Variants in XYLT1 observed in about 807,000 individuals in gnomAD.
The protein encoded by XYLT1 is xylosyltransferase 1, also known as beta-D-xylosyltransferase 1.
Under a neutral mutation model 91.3 loss-of-function variants are expected in XYLT1, and 36 were observed. The ratio of observed to expected loss-of-function variants is 0.39; its 90% CI spans 0.30 to 0.52. The LOEUF (loss-of-function observed/expected upper bound fraction) is 0.52, where lower values mean the gene tolerates loss of function less well. Among genes scored for constraint, XYLT1 ranks in the 20% least tolerant of loss-of-function variants. The pLI is 0.68. For synonymous variants in XYLT1, 588 were observed against 532.0 expected, an observed-to-expected ratio of 1.11 and a Z score of -1.45; for missense variants, 1,242 against 1,284.5, an observed-to-expected ratio of 0.97 and a Z score of 0.51.
chr16:17,170,189 A>G (rs1314222936), intron 5 of XYLT1, among the ~76,000 whole-genome samples: 1 of 152,170 alleles, frequency 6.6e-6, no homozygotes, highest in Non-Finnish European at 1.5e-5. Flanking sequence ...AAGTTTCTAT[A>G]TTCTTCGCTA....
At chr16:17,288,570 G>A (rs752746463) in intron 2 of XYLT1, among the ~76,000 whole-genome samples, 1 of 152,196 alleles carries the variant, frequency 6.6e-6, no homozygotes, top group Non-Finnish European at 1.5e-5. Flanking sequence ...AAGAGGTTGA[G>A]ATGACTTGTC....
At chr16:17,342,525 C>G (rs1013745289) in intron 2 of XYLT1, among the ~76,000 whole-genome samples, 1 of 152,118 alleles carries the variant, frequency 6.6e-6, no homozygotes, top group African/African-American at 2.4e-5. Context: ...AGTTCGAGAC[C>G]AGCCGGGCCA....
At chr16:17,286,440 G>T (rs540809509) in intron 2 of XYLT1, among the ~76,000 whole-genome samples, 1 of 152,300 alleles carries the variant, frequency 6.6e-6, no homozygotes, top group Non-Finnish European at 1.5e-5. Context: ...CACTCTCCTT[G>T]TCATCCCAAA....
At chr16:17,337,062 A>G (rs538590519) in intron 2 of XYLT1, among the ~76,000 whole-genome samples, 10 of 152,348 alleles carry the variant, frequency 6.6e-5, no homozygotes, top group African/African-American at 2.4e-4. Flanking sequence ...CCAGAAAGGC[A>G]TATAAATCCC....
At chr16:17,464,682 C>T (rs1352348261) in intron 1 of XYLT1, among the ~76,000 whole-genome samples, 1 of 152,118 alleles carries the variant, frequency 6.6e-6, no homozygotes, top group Non-Finnish European at 1.5e-5. Context: ...TTAAAACCAC[C>T]TAACACATCA....
chr16:17,312,996 G>A lies in XYLT1; in HGVS notation c.402+45016C>T, dbSNP rs1193925784. 6.6e-6 allele frequency among the ~76,000 whole-genome samples: 1 copy of A among 152,228 alleles called. No individual in the cohort carries two copies. Among genetic ancestry groups the A allele is most frequent in the Non-Finnish European group, 1.5e-5 (1 of 68,034 alleles). On this transcript the variant is annotated intron_variant, in intron 2 of 11. Coordinates refer to ENST00000261381, the MANE Select transcript of XYLT1 (RefSeq NM_022166.4). This position sits in a 1 kb window ranked among gnomAD's most constrained non-coding sequence, Gnocchi z 4.4. ...AGCTCCCCCTGGCCGGGGCTGAGCA[G>A]GGAAGCTGGGAGAGAGGGCATGTCC...
chr16:17,108,511 A>T lies in XYLT1; in HGVS notation c.*184T>A. 3 of 588,424 alleles carry T rather than the reference A, an allele frequency of 5.1e-6. No individual in the cohort carries two copies. The highest frequency in any genetic ancestry group is 5.7e-6 in the Non-Finnish European group (2 of 351,780). 36.5% of individuals were successfully genotyped at this position (588,424 alleles called of 1,614,324 possible). On this transcript the variant is annotated 3_prime_UTR_variant, in exon 12 of 12. Coordinates refer to ENST00000261381, the MANE Select transcript of XYLT1 (RefSeq NM_022166.4). ...TGAGCCATCCCACCCGCAGCTTGCCAAAGGCAGGTTGTTGGCTGATCCTGC... is the reference window on the plus strand; with the variant it reads ...TGAGCCATCCCACCCGCAGCTTGCCTAAGGCAGGTTGTTGGCTGATCCTGC...
chr16:17,400,262 AAC>A (rs2035946640), intron 1 of XYLT1, among the ~76,000 whole-genome samples: 1 of 152,184 alleles, frequency 6.6e-6, no homozygotes, highest in South Asian at 2.1e-4. Flanking sequence ...CTCAGTGACT[AAC>A]ACAAATTATA....
rs1427277588 is a variant in XYLT1 at position 17,319,121 on chromosome 16, A to T, written c.402+38891T>A. Reference sequence around the variant, plus strand: ...TTCTCTTGCTGGGTGAACTTGAATGAGCTACCTCCACTTTTTAAGCCTCAG... The same window carrying T: ...TTCTCTTGCTGGGTGAACTTGAATGTGCTACCTCCACTTTTTAAGCCTCAG... On this transcript the variant is annotated intron_variant, in intron 2 of 11. Transcript: ENST00000261381. Among the ~76,000 whole-genome samples the T allele has an allele frequency of 4.6e-5, 7 of 152,044 alleles. No homozygotes were observed. The East Asian group carries it at 1.2e-3, about 25-fold the overall frequency.
At chr16:17,220,719 C>T (rs1228636064) in intron 3 of XYLT1, among the ~76,000 whole-genome samples, 4 of 152,148 alleles carry the variant, frequency 2.6e-5, no homozygotes, top group Admixed American at 6.5e-5. Context: ...GTGAGTCACC[C>T]GCCTCGGCCT....
chr16:17,269,981 T>G (rs1460875356), intron 2 of XYLT1, among the ~76,000 whole-genome samples: 1 of 152,004 alleles, frequency 6.6e-6, no homozygotes, highest in African/African-American at 2.4e-5. Context: ...CCAGCTAATT[T>G]TTTTTGTATT....
intron 3 of XYLT1, among the ~76,000 whole-genome samples, chr16:17,249,001 A>T (rs1323555161): frequency 1.3e-5 from 2 of 151,980 alleles, no homozygotes; most frequent in African/African-American, 4.8e-5. Context: ...TATTACAGGC[A>T]TGAGCCACCG....
At chr16:17,298,342 A>T (rs921885954) in intron 2 of XYLT1, among the ~76,000 whole-genome samples, 1 of 152,160 alleles carries the variant, frequency 6.6e-6, no homozygotes, top group Admixed American at 6.5e-5. Flanking sequence ...ACCCCATGCC[A>T]CACGCAGAGC....
Position 17,117,777 on chromosome 16 carries a change from T to C in XYLT1, c.2426A>G (p.Lys809Arg), listed in dbSNP as rs756850199. The change falls in exon 11 of 12, where the codon AAG (lysine) becomes AGG (arginine). Residue 809 changes from lysine to arginine, a missense_variant. Transcript: ENST00000261381. ...CCTCAGGGGCAAGTTCAAAGGGGGCTTGTAGTGTGTGAATTCGGCAGTGGA... is the reference window on the plus strand; with the variant it reads ...CCTCAGGGGCAAGTTCAAAGGGGGCCTGTAGTGTGTGAATTCGGCAGTGGA... ...IESTAEFTHY[K>R]PPLNLPLRPG... The C allele has an allele frequency of 1.2e-6, 2 of 1,614,186 alleles. No homozygotes were observed. The highest frequency in any genetic ancestry group is 1.7e-6 in the Non-Finnish European group (2 of 1,180,030).
chr16:17,150,976 C>T (rs2031267571), intron 6 of XYLT1, among the ~76,000 whole-genome samples: 2 of 152,102 alleles, frequency 1.3e-5, no homozygotes, highest in Admixed American at 1.3e-4. Flanking sequence ...AAGGAAGCTA[C>T]AGGGAAGTCC....
intron 8 of XYLT1, 80 bp downstream of exon 8, chr16:17,138,275 C>T (rs938019278): frequency 1.3e-6 from 2 of 1,531,874 alleles, no homozygotes; most frequent in African/African-American, 1.4e-5. Context: ...AGATGACCTG[C>T]AGGTCTGGCC....
chr16:17,382,641 C>A (rs899952518), intron 1 of XYLT1, among the ~76,000 whole-genome samples: 2 of 151,800 alleles, frequency 1.3e-5, no homozygotes, highest in African/African-American at 4.8e-5. Flanking sequence ...CTTGGCCCTA[C>A]AGAGGAGCCA....
chr16:17,429,452 T>G (rs1433333430), intron 1 of XYLT1, among the ~76,000 whole-genome samples: 5 of 152,230 alleles, frequency 3.3e-5, no homozygotes, highest in African/African-American at 1.2e-4. Context: ...TTAAGTTCTT[T>G]TGTTCCAATC....
chr16:17,111,111 G>C (rs1966839921), intron 11 of XYLT1, among the ~76,000 whole-genome samples: 9 of 151,224 alleles, frequency 6.0e-5, no homozygotes, highest in Admixed American at 4.6e-4. Context: ...ATTGAGCCGA[G>C]ATCACACCAT....
Sources: gnomAD v4.1 joint callset for allele counts (sites outside exome capture counted in the v4.1 genomes callset) on GRCh38, gnomAD v4.1.1 for gene constraint, Gnocchi (gnomAD v3.1) non-coding constraint, MANE v1.5 for transcripts, NCBI Gene and HGNC (gene_info 2026-07-23, HGNC 2026-07-21) for gene names.